The following WASHC2A variants were observed in gnomAD, a reference collection of about 807,000 sequenced individuals.
The protein encoded by WASHC2A is WASH complex subunit 2A, also known as WASH complex subunit FAM21A.
WASHC2A carries 82 observed loss-of-function variants against 140.3 expected under a neutral mutation model. The observed-to-expected ratio is 0.58, with a 90% CI of 0.49 to 0.70. The LOEUF (loss-of-function observed/expected upper bound fraction) is 0.70. WASHC2A is among the 30% of genes least tolerant of loss of function. WASHC2A has a pLI of 0.00. For synonymous variants in WASHC2A, 340 were observed against 560.8 expected (o/e 0.61, Z 5.56); for missense variants, 985 against 1,521.8 (o/e 0.65, Z 5.87).
Position 50,132,787 on chromosome 10 carries a change from TTC to T in WASHC2A, c.3887-17_3887-16del, listed in dbSNP as rs1844100196. 1 of 1,611,912 alleles carries T rather than the reference TTC, an allele frequency of 6.2e-7. No individual in the cohort carries two copies. The highest frequency in any genetic ancestry group is 8.5e-7 in the Non-Finnish European group (1 of 1,179,852). On this transcript the variant is annotated splice_polypyrimidine_tract_variant and intron_variant, in intron 30 of 30. Coordinates refer to ENST00000282633, the MANE Select transcript of WASHC2A (RefSeq NM_001005751.3). Reference sequence around the variant, plus strand: ...CTCCACCCCTCTTCAGCAACCGTTCTTCTTTTTTCTTTCTAAAGATGACATCT... The same window carrying T: ...CTCCACCCCTCTTCAGCAACCGTTCTTTTTTTCTTTCTAAAGATGACATCT...
At chr10:50,087,235 A>G in intron 7 of WASHC2A, 40 bp from the exon 8 acceptor site, 1 of 1,613,766 alleles carries the variant, frequency 6.2e-7, no homozygotes, top group East Asian at 2.2e-5. Flanking sequence ...GCTTCTAAGT[A>G]AAGCCCATTT....
At position 50,129,747 on chromosome 10, in the gene WASHC2A, G is replaced by T; in HGVS notation, c.3416G>T (p.Gly1139Val). 1 of 1,612,058 alleles carries T rather than the reference G, an allele frequency of 6.2e-7. No individual in the cohort carries two copies. The highest frequency in any genetic ancestry group is 8.5e-7 in the Non-Finnish European group (1 of 1,179,868). ...LFDSGDIFSTGTGSQSVERTK... is the reference protein window; with the variant it reads ...LFDSGDIFSTVTGSQSVERTK... ...GATTCTGGGGACATCTTTTCCACGG[G>T]CACTGGATCTCAGTCTGTGGAGAGA... The change falls in exon 29 of 31, where the codon GGC becomes GTC. Residue 1139 changes from glycine (G) to valine (V), a missense_variant. Transcript: ENST00000282633.
intron 5 of WASHC2A, among the ~76,000 whole-genome samples, chr10:50,081,272 A>C (rs1838855356): frequency 7.4e-6 from 1 of 135,094 alleles, no homozygotes; most frequent in African/African-American, 2.8e-5. Flanking sequence ...TTTGGGGCAA[A>C]GATGATATTT....
At chr10:50,128,572 G>A (rs542038255) in intron 28 of WASHC2A, among the ~76,000 whole-genome samples, 76 of 152,268 alleles carry the variant, frequency 5.0e-4, no homozygotes, top group African/African-American at 1.7e-3. Context: ...GACCTACCCC[G>A]GCAAATAGAT....
intron 3 of WASHC2A, 94 bp downstream of exon 3, chr10:50,069,805 G>C: frequency 7.7e-7 from 1 of 1,304,932 alleles, no homozygotes; most frequent in Non-Finnish European, 1.0e-6. Context: ...CTAAATTTTG[G>C]TGGAAGTGTG....
chr10:50,132,785 TC>T lies in WASHC2A; in HGVS notation c.3887-20del, dbSNP rs1844099937. On this transcript the variant is annotated intron_variant, in intron 30 of 30. Transcript: ENST00000282633. ...TTCTCCACCCCTCTTCAGCAACCGT[TC>T]TTCTTTTTTCTTTCTAAAGATGACA... The T allele has an allele frequency of 6.2e-7, 1 of 1,611,882 alleles. No homozygotes were observed. The highest frequency in any genetic ancestry group is 8.5e-7 in the Non-Finnish European group (1 of 1,179,854).
At position 50,102,663 on chromosome 10, in the gene WASHC2A, TA is replaced by T. The variant is rs59079375; in HGVS notation, c.1636-1365del. Among the ~76,000 whole-genome samples the T allele has an allele frequency of 2.2e-3, 256 of 115,972 alleles. 3 individuals are homozygous for T. The highest frequency in any genetic ancestry group is 2.8e-3 in the Non-Finnish European group (161 of 58,208). 76.1% of individuals were successfully genotyped at this position (115,972 alleles called of 152,430 possible). A position where few individuals can be genotyped will look rare whatever the true frequency, so the allele number is the denominator to read the frequency against. ...TAGGAGTAGACAGCGACCCCATAAT[TA>T]AAAAAAAAAAAAACTGTCCAAAGAG... On this transcript the variant is annotated intron_variant, in intron 17 of 30. Coordinates refer to ENST00000282633, the MANE Select transcript of WASHC2A (RefSeq NM_001005751.3).
rs1304870199 is a variant in WASHC2A at position 50,068,374 on chromosome 10, G to A, written c.126+147G>A. The A allele has an allele frequency of 9.2e-6, 11 of 1,190,330 alleles. No individual in the cohort carries two copies. In the South Asian group the frequency reaches 1.8e-4, roughly 19 times the overall value. 73.7% of individuals were successfully genotyped at this position (1,190,330 alleles called of 1,614,324 possible). ...CACGCCCCGTTTAGCCCCCGAGAATGCCACCCTGGCAGTCCCCGGCCACCA... is the reference window on the plus strand; with the variant it reads ...CACGCCCCGTTTAGCCCCCGAGAATACCACCCTGGCAGTCCCCGGCCACCA... On this transcript the variant is annotated intron_variant, in intron 2 of 30. Coordinates refer to ENST00000282633, the MANE Select transcript of WASHC2A (RefSeq NM_001005751.3).
intron 8 of WASHC2A, among the ~76,000 whole-genome samples, chr10:50,089,899 C>A (rs1392939151): frequency 2.0e-5 from 3 of 151,984 alleles, no homozygotes; most frequent in Admixed American, 2.0e-4. Context: ...CACCTGAGGT[C>A]AGGAGTTCGA....
intron 30 of WASHC2A, among the ~76,000 whole-genome samples, chr10:50,131,389 A>T (rs1353920031): frequency 6.6e-6 from 1 of 152,208 alleles, no homozygotes; most frequent in Non-Finnish European, 1.5e-5. Context: ...AGGAGGTTTG[A>T]TCAGAAATGA....
chr10:50,118,034 A>T lies in WASHC2A; in HGVS notation c.2271A>T (p.Arg757Ser). 1 of 1,606,914 alleles carries T rather than the reference A, an allele frequency of 6.2e-7. No individual in the cohort carries two copies. Among genetic ancestry groups the T allele is most frequent in the East Asian group, 2.2e-5 (1 of 44,766 alleles). The change falls in exon 22 of 31, where the codon AGA becomes AGT. Residue 757 changes from arginine (R) to serine (S), a missense_variant. Physicochemically the swap from Arg to Ser is moderately radical, Grantham distance 110. Coordinates refer to ENST00000282633, the MANE Select transcript of WASHC2A (RefSeq NM_001005751.3). Reference protein sequence around the residue: ...ESAKESLKFGRTDVAESEKEG... With the variant: ...ESAKESLKFGSTDVAESEKEG... ...CCAAGGAGTCATTAAAATTTGGGAG[A>T]ACTGATGTGGCTGAGTCAGAAAAGG... is the stretch of plus-strand genomic sequence containing the variant.
chr10:50,105,240 A>G (rs1385015401), intron 18 of WASHC2A, among the ~76,000 whole-genome samples: 1 of 151,672 alleles, frequency 6.6e-6, no homozygotes, highest in Non-Finnish European at 1.5e-5. Flanking sequence ...AAGAGAAATA[A>G]GAGAGAAGAC....
chr10:50,068,084 T>C lies in WASHC2A; in HGVS notation c.4-21T>C, dbSNP rs782089649. ...CTGCCGCCCTCAGGCTCAGCTTCTC[T>C]TCTCGTTTTTTTCGCTGCAGATGAA... On this transcript the variant is annotated intron_variant, in intron 1 of 30. Transcript: ENST00000282633. 50 of 1,608,544 alleles carry C rather than the reference T, an allele frequency of 3.1e-5. No homozygotes were observed. In the East Asian group the frequency reaches 1.0e-3, roughly 33 times the overall value.
At chr10:50,115,879 G>C (rs1366490473) in intron 21 of WASHC2A, among the ~76,000 whole-genome samples, 1 of 152,128 alleles carries the variant, frequency 6.6e-6, no homozygotes, top group Admixed American at 6.5e-5. Flanking sequence ...ACTTTGGGAG[G>C]CTGAGGTGGG....
At chr10:50,079,297 A>G (rs1838672741) in intron 4 of WASHC2A, among the ~76,000 whole-genome samples, 1 of 152,182 alleles carries the variant, frequency 6.6e-6, no homozygotes, top group East Asian at 1.9e-4. Context: ...CTTGTAACAG[A>G]TGAAGCTGTT....
Position 50,132,731 on chromosome 10 carries a change from G to A in WASHC2A, c.3887-75G>A, listed in dbSNP as rs1416404227. On this transcript the variant is annotated intron_variant, in intron 30 of 30. Coordinates refer to ENST00000282633, the MANE Select transcript of WASHC2A (RefSeq NM_001005751.3). ...TGTTACCAGAGCTGGGTCTTTGGTG[G>A]TTTGCTTGCATGTGTCTTAAAAGTA... The A allele has an allele frequency of 9.3e-6, 15 of 1,611,930 alleles. No individual in the cohort carries two copies. In the East Asian group the frequency reaches 2.2e-4, roughly 24 times the overall value.
intron 17 of WASHC2A, among the ~76,000 whole-genome samples, chr10:50,100,637 T>C (rs1554886427): frequency 6.6e-6 from 1 of 152,228 alleles, no homozygotes; most frequent in African/African-American, 2.4e-5. Flanking sequence ...AAACTGTTCA[T>C]GGGCTCATGA....
intron 4 of WASHC2A, among the ~76,000 whole-genome samples, chr10:50,080,159 T>C (rs1415595659): frequency 6.6e-6 from 1 of 152,192 alleles, no homozygotes; most frequent in Non-Finnish European, 1.5e-5. Context: ...AGGGAGATTC[T>C]CAGCCTGTTG....
intron 8 of WASHC2A, among the ~76,000 whole-genome samples, chr10:50,090,509 A>AT (rs1320920723): frequency 1.5e-4 from 9 of 61,696 alleles, no homozygotes; most frequent in South Asian, 5.2e-4. Flanking sequence ...TCTCAAAAAA[A>AT]AAAAAAATAT....
Sources: gnomAD v4.1 joint callset for allele counts (sites outside exome capture counted in the v4.1 genomes callset) on GRCh38, gnomAD v4.1.1 for gene constraint, MANE v1.5 for transcripts, NCBI Gene and HGNC (gene_info 2026-07-23, HGNC 2026-07-21) for gene names.